The following EPM2A variants were observed in gnomAD, a reference collection of about 807,000 sequenced individuals.
EPM2A encodes EPM2A glucan phosphatase, laforin.
EPM2A carries 21 observed loss-of-function variants against 26.5 expected under a neutral mutation model. The observed-to-expected ratio is 0.79, with a 90% CI of 0.56 to 1.14. The LOEUF is 1.14. Ranked by LOEUF, EPM2A falls within the 50% of genes most tolerant of loss-of-function variation. The pLI is 0.00. For missense variants in EPM2A, 458 were observed against 440.8 expected, an observed-to-expected ratio of 1.04 and a Z score of -0.35; for synonymous variants, 217 against 177.6, an observed-to-expected ratio of 1.22 and a Z score of -1.76.
chr6:145,616,799 G>GGA (rs985231753), intron 2 of EPM2A, among the ~76,000 whole-genome samples: 13 of 152,242 alleles, frequency 8.5e-5, no homozygotes, highest in Non-Finnish European at 1.6e-4. Flanking sequence ...CATGGGGCCT[G>GGA]TAGCCCCTTT....
At chr6:145,633,692 A>T (rs1776434929) in intron 3 of EPM2A, 1 of 152,218 alleles carries the variant, frequency 6.6e-6, no homozygotes, top group Non-Finnish European at 1.5e-5. Flanking sequence ...CTTGCAGACC[A>T]TTCACTCTTG....
At chr6:145,413,406 C>A (rs186222641) in intron 4 of EPM2A, among the ~76,000 whole-genome samples, 2 of 152,074 alleles carry the variant, frequency 1.3e-5, no homozygotes, top group East Asian at 3.9e-4. Context: ...TATCACCATA[C>A]CCTGTAAAGT....
At chr6:145,413,374 G>A (rs1289245423) in intron 4 of EPM2A, among the ~76,000 whole-genome samples, 1 of 152,188 alleles carries the variant, frequency 6.6e-6, no homozygotes, top group African/African-American at 2.4e-5. Flanking sequence ...AAGACTTGAA[G>A]TTTTGTTGTG....
rs570928592 is a variant in EPM2A, at chr6:145,422,701, AT to A, written c.556-38605del. Among the ~76,000 whole-genome samples, 206 of 151,948 alleles carry A rather than the reference AT, an allele frequency of 1.4e-3. 1 individual carries two copies. Among genetic ancestry groups the A allele is most frequent in the African/African-American group, 4.6e-3 (190 of 41,484 alleles). ...ACCACCATTTTTATATGTGAAATTG[AT>A]TTTTTTCTCAGTTTTATTGGCAGTA... On this transcript the variant is annotated intron_variant, in intron 4 of 4. Transcript: ENST00000638717.
At chr6:145,554,467 G>C (rs528536440) in intron 2 of EPM2A, among the ~76,000 whole-genome samples, 9 of 145,302 alleles carry the variant, frequency 6.2e-5, no homozygotes, top group Non-Finnish European at 7.6e-5. Flanking sequence ...TAGATAGATA[G>C]ATACATAGAC....
chr6:145,621,838 A>G (rs1775641165), downstream of EPM2A, among the ~76,000 whole-genome samples: 1 of 152,140 alleles, frequency 6.6e-6, no homozygotes, highest in East Asian at 1.9e-4. Flanking sequence ...GCATTTGGAT[A>G]TTAACTCCTT....
chr6:145,522,153 C>T (rs1185418924), intron 2 of EPM2A, among the ~76,000 whole-genome samples: 1 of 152,100 alleles, frequency 6.6e-6, no homozygotes, highest in Non-Finnish European at 1.5e-5. Context: ...GGGGTTTCAC[C>T]ATGTTAGCCA....
intron 2 of EPM2A, among the ~76,000 whole-genome samples, chr6:145,508,977 A>T (rs1780015985): frequency 6.6e-6 from 1 of 152,202 alleles, no homozygotes; most frequent in Admixed American, 6.5e-5. Context: ...AGACTTGACA[A>T]AGCAGAAGAA....
At chr6:145,619,157 G>A (rs1193987032) in intron 2 of EPM2A, among the ~76,000 whole-genome samples, 2 of 147,274 alleles carry the variant, frequency 1.4e-5, no homozygotes, top group African/African-American at 5.3e-5. Flanking sequence ...TGGGAGGTCT[G>A]GCAAAAAAAA....
intron 4 of EPM2A, among the ~76,000 whole-genome samples, chr6:145,412,714 T>C (rs1386957093): frequency 1.3e-5 from 2 of 152,232 alleles, no homozygotes; most frequent in African/African-American, 4.8e-5. Flanking sequence ...TCATTTCTCA[T>C]CTATTCTATT....
intron 1 of EPM2A, among the ~76,000 whole-genome samples, chr6:145,733,544 A>T (rs1776622038): frequency 6.6e-6 from 1 of 152,238 alleles, no homozygotes; most frequent in Non-Finnish European, 1.5e-5. Flanking sequence ...AGGGAGGACT[A>T]TCAGAAAAGC....
chr6:145,498,072 A>G (rs1391141435), downstream of EPM2A, among the ~76,000 whole-genome samples: 1 of 152,004 alleles, frequency 6.6e-6, no homozygotes, highest in Admixed American at 6.5e-5. Flanking sequence ...GGTCTGGCCA[A>G]ATTTTTGTGG....
chr6:145,679,405 T>G (rs557112782), intron 2 of EPM2A, among the ~76,000 whole-genome samples: 1 of 148,618 alleles, frequency 6.7e-6, no homozygotes, highest in African/African-American at 2.5e-5. Context: ...ACTTAAAGTA[T>G]AATAATAAAA....
At chr6:145,422,901 G>A (rs1259254424) in intron 4 of EPM2A, among the ~76,000 whole-genome samples, 1 of 151,652 alleles carries the variant, frequency 6.6e-6, no homozygotes, top group Non-Finnish European at 1.5e-5. Context: ...TTTTTTCTAA[G>A]CCATGACTCA....
chr6:145,467,880 A>G (rs1309410940), intron 4 of EPM2A, among the ~76,000 whole-genome samples: 1 of 151,972 alleles, frequency 6.6e-6, no homozygotes, highest in African/African-American at 2.4e-5. Flanking sequence ...TTATTCCATG[A>G]CATGTTCTAA....
At chr6:145,685,882 G>T (rs1780866111) in intron 2 of EPM2A, among the ~76,000 whole-genome samples, 1 of 151,956 alleles carries the variant, frequency 6.6e-6, no homozygotes, top group Non-Finnish European at 1.5e-5. Flanking sequence ...CTACTATCTG[G>T]TCAAAACATA....
rs954841551 is a variant in EPM2A at position 145,627,308 on chromosome 6, T to G, written c.*108A>C. 19 of 1,591,944 alleles carry G rather than the reference T, an allele frequency of 1.2e-5. No individual in the cohort carries two copies. Among genetic ancestry groups the G allele is most frequent in the Non-Finnish European group, 1.6e-5 (19 of 1,175,344 alleles). ...GTGAAAGTGGTTGGCTTGGGGGAGG[T>G]CACACAGTCCTTTCAGTTCAGGTAG... On this transcript the variant is annotated 3_prime_UTR_variant, in exon 4 of 4. Transcript: ENST00000367519.
At chr6:145,589,239 G>A (rs970393452) in intron 2 of EPM2A, among the ~76,000 whole-genome samples, 1 of 152,122 alleles carries the variant, frequency 6.6e-6, no homozygotes, top group Non-Finnish European at 1.5e-5. Flanking sequence ...GGGTGTGAAT[G>A]GATTAGAGCT....
chr6:145,614,931 C>G (rs1330234817), intron 2 of EPM2A, among the ~76,000 whole-genome samples: 1 of 152,162 alleles, frequency 6.6e-6, no homozygotes, highest in African/African-American at 2.4e-5. Flanking sequence ...TTGCCACAAA[C>G]CTTTAATTTA....
Sources: allele counts gnomAD v4.1 joint callset (sites outside exome capture counted in the v4.1 genomes callset), GRCh38; gene constraint gnomAD v4.1.1; transcripts MANE v1.5; gene names NCBI Gene and HGNC (gene_info 2026-07-23, HGNC 2026-07-21).